The following CDH18 variants were observed in gnomAD, a reference collection of about 807,000 sequenced individuals.
CDH18 encodes cadherin 18.
A neutral mutation model predicts 67.9 loss-of-function variants in CDH18; 31 were observed. The ratio of observed to expected loss-of-function variants is 0.46; its 90% confidence interval spans 0.34 to 0.62. The LOEUF (loss-of-function observed/expected upper bound fraction) is 0.62. Among genes scored for constraint, CDH18 ranks in the 20% least tolerant of loss-of-function variants. The pLI is 0.01. For synonymous variants in CDH18, 362 were observed against 347.2 expected (o/e 1.04, Z -0.48); for missense variants, 890 against 975.5 (o/e 0.91, Z 1.17).
chr5:19,573,370 C>T (rs1418128675), intron 7 of CDH18, among the ~76,000 whole-genome samples: 5 of 150,404 alleles, frequency 3.3e-5, no homozygotes, highest in African/African-American at 1.2e-4. Context: ...GCTCCGTCTC[C>T]CGGGTTCAAG....
At chr5:20,486,705 A>ATG (rs951073176) in intron 1 of CDH18, among the ~76,000 whole-genome samples, 29 of 149,784 alleles carry the variant, frequency 1.9e-4, no homozygotes, top group Admixed American at 1.1e-3. Context: ...ATATACATAT[A>ATG]TGTGTGTGTG....
At chr5:19,981,702 T>A (rs1460075821) in intron 1 of CDH18, among the ~76,000 whole-genome samples, 1 of 152,210 alleles carries the variant, frequency 6.6e-6, no homozygotes, top group East Asian at 1.9e-4. Context: ...ATTTCAATTA[T>A]TTCACTCAGC....
At chr5:20,459,172 A>G (rs1751062178) in intron 1 of CDH18, among the ~76,000 whole-genome samples, 1 of 152,204 alleles carries the variant, frequency 6.6e-6, no homozygotes, top group African/African-American at 2.4e-5. Flanking sequence ...ACAAGAAACC[A>G]AAAACTGGGG....
intron 3 of CDH18, among the ~76,000 whole-genome samples, chr5:19,835,970 A>G (rs779749873): frequency 6.6e-5 from 10 of 152,110 alleles, no homozygotes; most frequent in Non-Finnish European, 1.5e-4. Flanking sequence ...TTGGCACCAT[A>G]TGTTCATTCA....
chr5:19,680,411 AC>A (rs1336100736), intron 5 of CDH18, among the ~76,000 whole-genome samples: 1 of 152,048 alleles, frequency 6.6e-6, no homozygotes, highest in East Asian at 1.9e-4. Context: ...TGCAACAAAA[AC>A]AAAAATTGGC....
At chr5:20,341,111 A>G (rs1433968381) in intron 1 of CDH18, among the ~76,000 whole-genome samples, 1 of 152,170 alleles carries the variant, frequency 6.6e-6, no homozygotes, top group Non-Finnish European at 1.5e-5. Flanking sequence ...ACCAGAGGCA[A>G]TATCCCCTTG....
chr5:19,670,788 AATGT>A (rs1758637982), intron 5 of CDH18, among the ~76,000 whole-genome samples: 3 of 152,096 alleles, frequency 2.0e-5, no homozygotes, highest in Admixed American at 2.0e-4. Context: ...AATGACCATT[AATGT>A]ATTATTAATG....
At chr5:20,021,951 T>A (rs929109455) in intron 2 of CDH18, among the ~76,000 whole-genome samples, 1 of 152,206 alleles carries the variant, frequency 6.6e-6, no homozygotes, top group Non-Finnish European at 1.5e-5. Context: ...AACAACACAG[T>A]TGAGTACATT....
intron 1 of CDH18, among the ~76,000 whole-genome samples, chr5:20,354,566 G>C (rs374220128): frequency 6.6e-5 from 10 of 152,026 alleles, no homozygotes; most frequent in African/African-American, 2.4e-4. Flanking sequence ...CACACGTGGC[G>C]ATTTTTTGTA....
intron 2 of CDH18, among the ~76,000 whole-genome samples, chr5:19,917,448 G>T (rs1427223293): frequency 6.6e-6 from 1 of 151,636 alleles, no homozygotes; most frequent in Non-Finnish European, 1.5e-5. Flanking sequence ...TAGCAACTAG[G>T]TATGTTAGTT....
chr5:19,989,479 G>C (rs188933416), upstream of CDH18, among the ~76,000 whole-genome samples: 680 of 152,194 alleles, frequency 4.5e-3, 6 homozygotes, highest in African/African-American at 0.016. Context: ...CCTTCTCTGA[G>C]CCTCAGGAGG....
intron 8 of CDH18, among the ~76,000 whole-genome samples, chr5:19,568,798 T>G (rs1167690074): frequency 6.7e-6 from 1 of 149,000 alleles, no homozygotes; most frequent in Non-Finnish European, 1.5e-5. Flanking sequence ...TTTTTGTTTA[T>G]ACCACACAGT....
intron 3 of CDH18, among the ~76,000 whole-genome samples, chr5:19,779,105 A>G (rs1774774846): frequency 6.6e-6 from 1 of 152,174 alleles, no homozygotes; most frequent in African/African-American, 2.4e-5. Context: ...ATATTAATAC[A>G]TGAGGTAGAT....
At chr5:20,272,091 T>A (rs2126668300) in intron 1 of CDH18, among the ~76,000 whole-genome samples, 1 of 152,150 alleles carries the variant, frequency 6.6e-6, no homozygotes, top group Non-Finnish European at 1.5e-5. Context: ...AAAAATAGGA[T>A]TTGGAGAGGC....
At chr5:19,953,076 G>A (rs966540994) in intron 2 of CDH18, among the ~76,000 whole-genome samples, 2 of 152,072 alleles carry the variant, frequency 1.3e-5, no homozygotes, top group Non-Finnish European at 2.9e-5. Flanking sequence ...GACATGAGCT[G>A]CTGTGCTCTA....
At chr5:20,131,208 T>TA in intron 2 of CDH18, among the ~76,000 whole-genome samples, 1 of 152,080 alleles carries the variant, frequency 6.6e-6, no homozygotes, top group South Asian at 2.1e-4. Context: ...TGAGAGTTTG[T>TA]AAAAAACAAA....
At chr5:19,632,478 C>G (rs1317273052) in intron 5 of CDH18, among the ~76,000 whole-genome samples, 2 of 152,146 alleles carry the variant, frequency 1.3e-5, no homozygotes, top group African/African-American at 2.4e-5. Flanking sequence ...TTAATTCTTT[C>G]CGGGTTTCTT....
intron 2 of CDH18, among the ~76,000 whole-genome samples, chr5:19,907,297 A>G (rs967759266): frequency 6.6e-6 from 1 of 151,980 alleles, no homozygotes; most frequent in African/African-American, 2.4e-5. Flanking sequence ...TCTCGTATTT[A>G]CAATGCTTGG....
chr5:20,057,469 G>A (rs1347524), intron 2 of CDH18, among the ~76,000 whole-genome samples: 149,896 of 152,308 alleles, frequency 0.98, 73,816 homozygotes, highest in Middle Eastern at 1. Context: ...TTAATAATTT[G>A]TTCACTCATT....
Sources: allele counts gnomAD v4.1 joint callset (sites outside exome capture counted in the v4.1 genomes callset), GRCh38; gene constraint gnomAD v4.1.1; transcripts MANE v1.5; gene names NCBI Gene and HGNC (gene_info 2026-07-23, HGNC 2026-07-21).